ERMP1: variants seen among roughly 807,000 people sequenced by gnomAD.
The protein encoded by ERMP1 is endoplasmic reticulum metallopeptidase 1.
In ERMP1, 86 loss-of-function variants were observed where a neutral mutation model predicts 92.0. The observed-to-expected ratio is 0.93, with a 90% CI of 0.79 to 1.12. ERMP1 has a LOEUF of 1.12. ERMP1 is among the 50% of genes most tolerant of loss of function. The probability of loss-of-function intolerance (pLI) is 0.00; values close to 1 mark genes in which losing one functional copy is unlikely to be tolerated. For synonymous variants in ERMP1, 530 were observed against 412.8 expected, an observed-to-expected ratio of 1.28 and a Z score of -3.44; for missense variants, 1,342 against 1,116.3, an observed-to-expected ratio of 1.20 and a Z score of -2.88.
At chr9:5,814,809 T>C (rs1255719982) in intron 4 of ERMP1, among the ~76,000 whole-genome samples, 1 of 152,150 alleles carries the variant, frequency 6.6e-6, no homozygotes, top group Non-Finnish European at 1.5e-5. Context: ...GTAATCCAGA[T>C]ACTGGAGTTA....
chr9:5,857,149 G>C (rs1216455625), intron 6 of ERMP1, among the ~76,000 whole-genome samples: 1 of 152,026 alleles, frequency 6.6e-6, no homozygotes, highest in Non-Finnish European at 1.5e-5. Flanking sequence ...AGACTCCCAA[G>C]TAGCCGGGAC....
rs186573934 is a variant in ERMP1 at position 5,826,328 on chromosome 9, G to A, written c.641-1109C>T. 8.6e-3 allele frequency among the ~76,000 whole-genome samples: 1,317 copies of A among 152,308 alleles called. 11 individuals are homozygous for A. The highest frequency in any genetic ancestry group is 0.015 in the Admixed American group (224 of 15,294). On this transcript the variant is annotated intron_variant, in intron 2 of 14. Coordinates refer to ENST00000339450, the MANE Select transcript of ERMP1 (RefSeq NM_024896.3). ...GAAGCAGGGTGCCAAAGAGTTTGGC[G>A]TGGATTTGAGAGCAAGAAAGATTTG...
chr9:5,789,490 G>C (rs554506089), intron 13 of ERMP1, among the ~76,000 whole-genome samples: 1 of 152,338 alleles, frequency 6.6e-6, no homozygotes, highest in South Asian at 2.1e-4. Flanking sequence ...CCCTTCTTCA[G>C]AAACAGTCTA....
chr9:5,865,172 AC>A (rs1386986388), intron 5 of ERMP1, among the ~76,000 whole-genome samples: 1 of 152,212 alleles, frequency 6.6e-6, no homozygotes, highest in Non-Finnish European at 1.5e-5. Flanking sequence ...TTATACATAT[AC>A]ATATGTATAT....
At position 5,812,315 on chromosome 9, in the gene ERMP1, C is replaced by G. The variant is rs1586797650; in HGVS notation, c.1022-98G>C. 3.5e-5 allele frequency: 23 copies of G among 666,042 alleles called. No individual in the cohort carries two copies. The East Asian group carries it at 6.3e-4, about 18-fold the overall frequency. 41.3% of individuals were successfully genotyped at this position (666,042 alleles called of 1,614,324 possible). On this transcript the variant is annotated intron_variant, in intron 5 of 14. Coordinates refer to ENST00000339450, the MANE Select transcript of ERMP1 (RefSeq NM_024896.3). ...AATAAATTCCTAAAAGACAAAATGT[C>G]AAAGCAGTGGCACGATTGCTTTGTC...
upstream of ERMP1, among the ~76,000 whole-genome samples, chr9:5,835,021 G>A (rs1830074724): frequency 6.8e-6 from 1 of 147,068 alleles, no homozygotes; most frequent in African/African-American, 2.5e-5. Flanking sequence ...GTGTGTGTGT[G>A]TGTGAAAGAT....
rs1039529003 is a variant in ERMP1, at chr9:5,787,320, A to C, written c.2551-12T>G. ...TGTTCTTCTGAAACCTGCCAGAGAAAATCAATTAGTTCTCCAGTTCTCAGA... is the reference window on the plus strand; with the variant it reads ...TGTTCTTCTGAAACCTGCCAGAGAACATCAATTAGTTCTCCAGTTCTCAGA... On this transcript the variant is annotated splice_polypyrimidine_tract_variant and intron_variant, in intron 14 of 14. Transcript: ENST00000339450. The C allele has an allele frequency of 1.9e-6, 3 of 1,610,018 alleles. No homozygotes were observed. The highest frequency in any genetic ancestry group is 2.5e-6 in the Non-Finnish European group (3 of 1,178,384).
chr9:5,835,070 T>C (rs1431380643), upstream of ERMP1, among the ~76,000 whole-genome samples: 1 of 151,444 alleles, frequency 6.6e-6, no homozygotes. Flanking sequence ...TTTTTCAGAA[T>C]TTTCCTTCTC....
At chr9:5,801,419 C>T in intron 10 of ERMP1, 91 bp from the exon 11 acceptor site, 1 of 1,243,080 alleles carries the variant, frequency 8.0e-7, no homozygotes, top group Non-Finnish European at 1.1e-6. Context: ...AACAGTATTA[C>T]CTAACAGCCC....
At chr9:5,824,220 C>T (rs1316891034) in intron 3 of ERMP1, among the ~76,000 whole-genome samples, 1 of 152,166 alleles carries the variant, frequency 6.6e-6, no homozygotes, top group Non-Finnish European at 1.5e-5. Flanking sequence ...CAGAAGGCAG[C>T]CTGGTGACCA....
In ERMP1 at chr9:5,839,254, A is replaced by G. The variant is rs1416070806; in HGVS notation, n.3200-5942T>C. Among the ~76,000 whole-genome samples, 14 of 152,266 alleles carry G rather than the reference A, an allele frequency of 9.2e-5. 1 individual carries two copies. Among genetic ancestry groups the G allele is most frequent in the Non-Finnish European group, 1.5e-4 (10 of 68,042 alleles). The stretch of plus-strand genomic sequence containing the variant: ...TTTTCACTTAATCATTGTTCTTTAA[A>G]TTCAGTCTGTGACCTGGGAGAAGAA... On this transcript the variant is annotated intron_variant and non_coding_transcript_variant, in intron 6 of 6. Transcript: ENST00000690753.
intron 8 of ERMP1, 55 bp downstream of exon 8, chr9:5,809,956 A>G (rs1167689039): frequency 1.6e-6 from 2 of 1,246,714 alleles, no homozygotes; most frequent in African/African-American, 3.0e-5. Flanking sequence ...ACTTAAGTTC[A>G]TCTTCAGTCC....
chr9:5,802,346 T>C (rs1828703885), intron 10 of ERMP1, among the ~76,000 whole-genome samples: 1 of 152,232 alleles, frequency 6.6e-6, no homozygotes, highest in Non-Finnish European at 1.5e-5. Context: ...TTTATTTCTC[T>C]ACTTATTTCC....
At chr9:5,855,134 T>C (rs911930129) in intron 6 of ERMP1, among the ~76,000 whole-genome samples, 6 of 152,200 alleles carry the variant, frequency 3.9e-5, no homozygotes, top group Non-Finnish European at 8.8e-5. Flanking sequence ...TATTATTTAA[T>C]AACTTAAATG....
At chr9:5,832,377 G>T (rs559079260) in intron 1 of ERMP1, 31 of 345,236 alleles carry the variant, frequency 9.0e-5, no homozygotes, top group Middle Eastern at 7.3e-4. Flanking sequence ...AGGGGAAGCT[G>T]TTCCAGAATA....
intron 8 of ERMP1, among the ~76,000 whole-genome samples, chr9:5,806,609 AT>A (rs973865407): frequency 8.8e-5 from 13 of 147,392 alleles, no homozygotes; most frequent in African/African-American, 1.5e-4. Flanking sequence ...TAAAAAAAAC[AT>A]TTTTTTTTTG....
Position 5,832,675 on chromosome 9 carries a change from G to A in ERMP1, c.338+15C>T, listed in dbSNP as rs528358613. The A allele has an allele frequency of 3.4e-5, 48 of 1,412,250 alleles. No homozygotes were observed. In the East Asian group the frequency reaches 1.4e-3, roughly 40 times the overall value. The allele number at this position is 1,412,250 out of a possible 1,614,324, so 87.5% of individuals were successfully genotyped here. On this transcript the variant is annotated intron_variant, in intron 1 of 14. Transcript: ENST00000339450. Reference sequence around the variant, plus strand: ...AACGGACGCGCGGGCCGTGCCAGGAGGGAGCGGCCGGTACCTGGCTTGGAG... The same window carrying A: ...AACGGACGCGCGGGCCGTGCCAGGAAGGAGCGGCCGGTACCTGGCTTGGAG...
At position 5,831,028 on chromosome 9, in the gene ERMP1, C is replaced by T. The variant is rs761553950; in HGVS notation, c.339G>A (p.Arg113=). ...TGGAGGTTATGTGTTCAAGATAATC[C>T]CTGGAAGTAACCAAAAGAATAACAA... ...HRGEFDALQA[R]DYLEHITSIG... The change falls in exon 2 of 15, where the codon AGG becomes AGA. Residue 113 remains arginine, a splice_region_variant and synonymous_variant. Transcript: ENST00000339450. 6 of 1,601,428 alleles carry T rather than the reference C, an allele frequency of 3.7e-6. No homozygotes were observed. The highest frequency in any genetic ancestry group is 4.3e-6 in the Non-Finnish European group (5 of 1,172,262).
chr9:5,813,483 G>A (rs1295279323), intron 4 of ERMP1, among the ~76,000 whole-genome samples: 1 of 152,110 alleles, frequency 6.6e-6, no homozygotes, highest in African/African-American at 2.4e-5. Flanking sequence ...TGAAATGCTT[G>A]GGATCAGAAG....
Sources: allele counts gnomAD v4.1 joint callset (sites outside exome capture counted in the v4.1 genomes callset), GRCh38; gene constraint gnomAD v4.1.1; transcripts MANE v1.5; gene names NCBI Gene and HGNC (gene_info 2026-07-23, HGNC 2026-07-21).